The following ANO3 variants were observed in gnomAD, a reference collection of about 807,000 sequenced individuals.
The protein encoded by ANO3 is anoctamin 3.
In ANO3, 99 loss-of-function variants were observed where a neutral mutation model predicts 144.8. The observed-to-expected ratio is 0.68, with a 90% CI of 0.58 to 0.81. The LOEUF (loss-of-function observed/expected upper bound fraction) is 0.81. Ranked by LOEUF, ANO3 falls within the 30% of genes least tolerant of loss-of-function variation. The pLI, the probability that ANO3 is intolerant of heterozygous loss-of-function variation, is 0.00. For synonymous variants in ANO3, 414 were observed against 392.6 expected (o/e 1.05, Z -0.64); for missense variants, 905 against 1,202.2 (o/e 0.75, Z 3.66).
rs945841832 is a variant in ANO3 at position 26,562,979 on chromosome 11, T to C, written c.1447+3200T>C. On this transcript the variant is annotated intron_variant, in intron 14 of 26. Transcript: ENST00000256737. Reference sequence around the variant, plus strand: ...GTTTTGTTCTTTGATAAACAGAAGGTGGATCAGAATAAGTCTTTAGTTTGT... The same window carrying C: ...GTTTTGTTCTTTGATAAACAGAAGGCGGATCAGAATAAGTCTTTAGTTTGT... 7 of 1,209,096 alleles carry C rather than the reference T, an allele frequency of 5.8e-6. No homozygotes were observed. In the Admixed American group the frequency reaches 2.0e-4, roughly 35 times the overall value. The allele number at this position is 1,209,096 out of a possible 1,614,324, so 74.9% of individuals were successfully genotyped here.
Position 26,207,463 on chromosome 11 carries a change from C to T in ANO3, c.154+18133C>T, listed in dbSNP as rs562384837. ...ACTAAGCATCTTGCATGAACAAATA[C>T]CTTCAACTTCTTCACCCTTTCAAAC... On this transcript the variant is annotated intron_variant, in intron 1 of 27. Coordinates refer to the ANO3 transcript ENST00000672621. Among the ~76,000 whole-genome samples, 14 of 152,134 alleles carry T rather than the reference C, an allele frequency of 9.2e-5. No individual in the cohort carries two copies. The South Asian group carries it at 2.7e-3, about 29-fold the overall frequency.
rs1159690132 is a variant in ANO3, at chr11:26,283,326, ATAT to A, written c.155-26318_155-26316del. Among the ~76,000 whole-genome samples, 30 of 19,320 alleles carry A rather than the reference ATAT, an allele frequency of 1.6e-3. No homozygotes were observed. In the East Asian group the frequency reaches 0.028, roughly 18 times the overall value. 12.7% of individuals were successfully genotyped at this position (19,320 alleles called of 152,430 possible). On this transcript the variant is annotated intron_variant, in intron 1 of 27. Transcript: ENST00000672621. ...CCAAAATAAACAAATAAATAAATAT[ATAT>A]ATATATATATATATATATATATATA...
intron 1 of ANO3, among the ~76,000 whole-genome samples, chr11:26,374,048 C>T (rs975162563): frequency 1.3e-5 from 2 of 152,138 alleles, no homozygotes; most frequent in Admixed American, 1.3e-4. Context: ...ATGGTATCAG[C>T]CTTTGTTGAT....
chr11:26,597,261 G>T (rs1268703674), intron 14 of ANO3, among the ~76,000 whole-genome samples: 1 of 152,160 alleles, frequency 6.6e-6, no homozygotes, highest in Admixed American at 6.5e-5. Flanking sequence ...TCTGACCTGG[G>T]GTTCTTGGCC....
intron 1 of ANO3, among the ~76,000 whole-genome samples, chr11:26,323,747 G>T (rs1854817738): frequency 6.6e-6 from 1 of 152,036 alleles, no homozygotes; most frequent in Admixed American, 6.6e-5. Context: ...GAAAATACTG[G>T]CAAAAATTGA....
chr11:26,471,721 A>G (rs1035745168), intron 4 of ANO3, among the ~76,000 whole-genome samples: 2 of 151,954 alleles, frequency 1.3e-5, no homozygotes, highest in African/African-American at 2.4e-5. Context: ...TAGGTGAGAG[A>G]TGGATTTGTT....
intron 17 of ANO3, among the ~76,000 whole-genome samples, chr11:26,606,006 C>T (rs1306671369): frequency 6.6e-6 from 1 of 152,076 alleles, no homozygotes; most frequent in Admixed American, 6.6e-5. Context: ...CTTTCCTTCT[C>T]TAGTTCTTTA....
chr11:26,601,159 A>G (rs1851790360), intron 17 of ANO3, among the ~76,000 whole-genome samples: 1 of 152,208 alleles, frequency 6.6e-6, no homozygotes, highest in Non-Finnish European at 1.5e-5. Context: ...TAATGTTAGT[A>G]TATTTACATC....
Position 26,634,298 on chromosome 11 carries a change from C to A in ANO3, c.1968C>A (p.Ile656=), listed in dbSNP as rs149050831. The part of the protein sequence containing the change: ...FVNLNSSIFY[I]AFFLGRFVGH... ...ATTTAAACAGTTCCATCTTCTATAT[C>A]GCTTTCTTTTTGGGAAGGTAAGTCA... Residue 656 remains isoleucine, a synonymous_variant, in exon 19 of 27, where the codon ATC becomes ATA. Coordinates refer to ENST00000256737, the MANE Select transcript of ANO3 (RefSeq NM_031418.4). 4.3e-6 allele frequency: 7 copies of A among 1,611,868 alleles called. No homozygotes were observed. Among genetic ancestry groups the A allele is most frequent in the Middle Eastern group, 3.3e-4 (2 of 6,058 alleles).
chr11:26,297,184 C>CGTGTGTGTGTGTGTGTGT (rs377447870), intron 1 of ANO3, among the ~76,000 whole-genome samples: 172 of 146,426 alleles, frequency 1.2e-3, no homozygotes, highest in African/African-American at 3.6e-3. Context: ...TCAACCATTG[C>CGTGTGTGTGTGTGTGTGT]GTGTGTGTGT....
chr11:26,438,803 A>G (rs1197101489), intron 1 of ANO3, among the ~76,000 whole-genome samples: 1 of 151,498 alleles, frequency 6.6e-6, no homozygotes, highest in African/African-American at 2.4e-5. Context: ...AATCAATCAT[A>G]GCTGCCTTTT....
At chr11:26,546,938 T>G (rs1457152193) in intron 11 of ANO3, among the ~76,000 whole-genome samples, 1 of 151,824 alleles carries the variant, frequency 6.6e-6, no homozygotes, top group Non-Finnish European at 1.5e-5. Context: ...TTGAGCTTTG[T>G]TGAGGAAGAT....
intron 4 of ANO3, among the ~76,000 whole-genome samples, chr11:26,485,113 G>A (rs1201366016): frequency 6.6e-6 from 1 of 152,180 alleles, no homozygotes; most frequent in East Asian, 1.9e-4. Flanking sequence ...TTGAGTTAAT[G>A]CTGAAATTAG....
chr11:26,401,135 ACACAGTAGT>A (rs1375782317), intron 1 of ANO3, among the ~76,000 whole-genome samples: 1 of 152,060 alleles, frequency 6.6e-6, no homozygotes, highest in Admixed American at 6.6e-5. Context: ...AAAATTAAAA[ACACAGTAGT>A]CACTGGAACT....
chr11:26,634,242 G>T lies in ANO3; in HGVS notation c.1912G>T (p.Ala638Ser). The T allele has an allele frequency of 6.2e-7, 1 of 1,613,700 alleles. No homozygotes were observed. Among genetic ancestry groups the T allele is most frequent in the Non-Finnish European group, 8.5e-7 (1 of 1,179,780 alleles). The stretch of plus-strand genomic sequence containing the variant: ...AGAATCAGAGTGGGAAAACAGCTTC[G>T]CCCTGAAGATGTTCCTCTTCCAGTT... ...RTESEWENSFALKMFLFQFVN... is the reference protein window; with the variant it reads ...RTESEWENSFSLKMFLFQFVN... Residue 638 changes from alanine (A) to serine (S), a missense_variant, in exon 19 of 27, where the codon GCC (alanine) becomes TCC (serine). Physicochemically the swap from Ala to Ser is moderately conservative, Grantham distance 99 (BLOSUM62 1). Transcript: ENST00000256737.
chr11:26,386,984 C>T (rs1270078511), intron 1 of ANO3, among the ~76,000 whole-genome samples: 1 of 151,736 alleles, frequency 6.6e-6, no homozygotes, highest in East Asian at 1.9e-4. Flanking sequence ...GGGAGACACA[C>T]TTAAGTATTT....
chr11:26,465,970 C>T (rs1018333807), intron 4 of ANO3, among the ~76,000 whole-genome samples: 1 of 151,886 alleles, frequency 6.6e-6, no homozygotes, highest in African/African-American at 2.4e-5. Flanking sequence ...TGCTTCAAAT[C>T]ATAAGTTTTT....
intron 14 of ANO3, among the ~76,000 whole-genome samples, chr11:26,585,709 AGAGTAT>A (rs1171783556): frequency 6.6e-6 from 1 of 152,234 alleles, no homozygotes; most frequent in Non-Finnish European, 1.5e-5. Context: ...TATGGTAGAC[AGAGTAT>A]GAGTATTAGA....
At chr11:26,620,516 A>G (rs1037561170) in intron 17 of ANO3, among the ~76,000 whole-genome samples, 1 of 152,000 alleles carries the variant, frequency 6.6e-6, no homozygotes, top group African/African-American at 2.4e-5. Flanking sequence ...TAAAACTTTA[A>G]TTCCAATTAA....
Sources: allele counts gnomAD v4.1 joint callset (sites outside exome capture counted in the v4.1 genomes callset), GRCh38; gene constraint gnomAD v4.1.1; transcripts MANE v1.5; gene names NCBI Gene and HGNC (gene_info 2026-07-23, HGNC 2026-07-21).